CTNNA3: variants seen among roughly 807,000 people sequenced by gnomAD.
CTNNA3 encodes the protein catenin alpha 3.
A neutral mutation model predicts 95.7 loss-of-function variants in CTNNA3; 76 were observed. The observed-to-expected ratio is 0.79, with a 90% CI of 0.66 to 0.96. The LOEUF (loss-of-function observed/expected upper bound fraction) is 0.96, where lower values mean the gene tolerates loss of function less well. Ranked by LOEUF, CTNNA3 falls within the 40% of genes least tolerant of loss-of-function variation. CTNNA3 has a pLI of 0.00. For synonymous variants in CTNNA3, 431 were observed against 374.4 expected, an observed-to-expected ratio of 1.15 and a Z score of -1.74; for missense variants, 1,191 against 1,089.8, an observed-to-expected ratio of 1.09 and a Z score of -1.31.
At chr10:67,702,952 C>T (rs796269204) in intron 1 of CTNNA3, among the ~76,000 whole-genome samples, 6 of 151,954 alleles carry the variant, frequency 3.9e-5, no homozygotes, top group Admixed American at 6.6e-5. Context: ...ATATCACCAC[C>T]GACCCCACAG....
intron 1 of CTNNA3, among the ~76,000 whole-genome samples, chr10:67,760,499 A>G (rs1841456580): frequency 6.6e-6 from 1 of 152,176 alleles, no homozygotes; most frequent in African/African-American, 2.4e-5. Flanking sequence ...TTGCGCAAAC[A>G]TTATAGAGTG....
intron 7 of CTNNA3, among the ~76,000 whole-genome samples, chr10:66,810,303 T>G (rs1207080895): frequency 8.5e-5 from 13 of 152,170 alleles, no homozygotes; most frequent in Admixed American, 7.9e-4. Context: ...GCAGTAGTTC[T>G]GGCAAGCACA....
At chr10:66,123,185 A>G (rs2082659863) in intron 13 of CTNNA3, among the ~76,000 whole-genome samples, 1 of 152,198 alleles carries the variant, frequency 6.6e-6, no homozygotes, top group African/African-American at 2.4e-5. Context: ...GTTACTTCCT[A>G]GAAACAATGG....
chr10:67,402,087 A>T (rs1844944615), intron 5 of CTNNA3, among the ~76,000 whole-genome samples: 1 of 152,216 alleles, frequency 6.6e-6, no homozygotes, highest in Non-Finnish European at 1.5e-5. Flanking sequence ...TTTCCTAACC[A>T]GTCTGAATTA....
At chr10:67,673,462 G>A (rs1291716997) in intron 1 of CTNNA3, among the ~76,000 whole-genome samples, 1 of 152,000 alleles carries the variant, frequency 6.6e-6, no homozygotes, top group African/African-American at 2.4e-5. Context: ...AATGCTTCCA[G>A]TGTTTGCCCA....
chr10:67,734,882 C>A, intron 1 of CTNNA3, among the ~76,000 whole-genome samples: 1 of 151,410 alleles, frequency 6.6e-6, no homozygotes, highest in Non-Finnish European at 1.5e-5. Context: ...TTAAATAAAA[C>A]CTATGATACA....
At chr10:66,110,210 A>C (rs1195804810) in intron 13 of CTNNA3, among the ~76,000 whole-genome samples, 1 of 151,900 alleles carries the variant, frequency 6.6e-6, no homozygotes, top group Non-Finnish European at 1.5e-5. Context: ...AAAATACAAA[A>C]AATTAGACGG....
intron 5 of CTNNA3, among the ~76,000 whole-genome samples, chr10:67,387,244 G>C (rs1844212086): frequency 6.6e-6 from 1 of 152,192 alleles, no homozygotes; most frequent in Non-Finnish European, 1.5e-5. Context: ...TGCCTCACTG[G>C]GGAAGCGCAA....
intron 2 of CTNNA3, among the ~76,000 whole-genome samples, chr10:67,627,001 C>A (rs569056834): frequency 2.6e-5 from 4 of 152,278 alleles, no homozygotes; most frequent in South Asian, 2.1e-4. Flanking sequence ...CTACTGGTCA[C>A]ACAGGTTTAT....
chr10:66,472,592 A>C (rs1203854649), intron 11 of CTNNA3, among the ~76,000 whole-genome samples: 2 of 152,008 alleles, frequency 1.3e-5, no homozygotes, highest in South Asian at 4.1e-4. Flanking sequence ...ATATTTTTAA[A>C]GTTCTCTACA....
intron 5 of CTNNA3, among the ~76,000 whole-genome samples, chr10:67,470,213 T>C (rs1483562080): frequency 2.0e-5 from 3 of 152,210 alleles, no homozygotes; most frequent in African/African-American, 7.2e-5. Context: ...TGTCTTTCTG[T>C]GCCTGGTTTA....
chr10:66,142,546 G>T (rs2083673240), intron 13 of CTNNA3, among the ~76,000 whole-genome samples: 1 of 151,956 alleles, frequency 6.6e-6, no homozygotes, highest in South Asian at 2.1e-4. Context: ...AACTTTCTGA[G>T]ATTTTGATTG....
At chr10:67,513,869 C>A (rs1374811852) in intron 5 of CTNNA3, among the ~76,000 whole-genome samples, 1 of 152,132 alleles carries the variant, frequency 6.6e-6, no homozygotes, top group Non-Finnish European at 1.5e-5. Context: ...AACCAGATAC[C>A]AAGGATCAAT....
At chr10:66,649,414 T>A (rs1047443397) in intron 9 of CTNNA3, among the ~76,000 whole-genome samples, 1 of 151,892 alleles carries the variant, frequency 6.6e-6, no homozygotes. Context: ...AAAGACACAC[T>A]GATAAAGGTA....
chr10:65,988,278 T>C (rs901950900), intron 16 of CTNNA3, among the ~76,000 whole-genome samples: 1 of 152,100 alleles, frequency 6.6e-6, no homozygotes, highest in African/African-American at 2.4e-5. Context: ...TATAGAAATA[T>C]ATGTACTCTA....
At chr10:65,983,946 T>C (rs1420636274) in intron 16 of CTNNA3, among the ~76,000 whole-genome samples, 1 of 151,390 alleles carries the variant, frequency 6.6e-6, no homozygotes, top group African/African-American at 2.4e-5. Flanking sequence ...AATTGTTTCA[T>C]TCTTTCTACA....
chr10:65,980,258 C>T (rs936616363), intron 16 of CTNNA3, among the ~76,000 whole-genome samples: 3 of 151,750 alleles, frequency 2.0e-5, no homozygotes, highest in African/African-American at 7.3e-5. Flanking sequence ...ATATATAACC[C>T]TCTTAGATTA....
chr10:67,651,714 T>A (rs1168515268), intron 1 of CTNNA3, among the ~76,000 whole-genome samples: 1 of 152,220 alleles, frequency 6.6e-6, no homozygotes, highest in Non-Finnish European at 1.5e-5. Flanking sequence ...CTTTTCCCAA[T>A]GTTTTAATGA....
intron 5 of CTNNA3, among the ~76,000 whole-genome samples, chr10:67,510,513 G>A (rs1462702452): frequency 6.6e-6 from 1 of 151,492 alleles, no homozygotes; most frequent in Non-Finnish European, 1.5e-5. Context: ...TAGATGTGTG[G>A]TGTTATTTCT....
Sources: gnomAD v4.1 joint callset for allele counts (sites outside exome capture counted in the v4.1 genomes callset) on GRCh38, gnomAD v4.1.1 for gene constraint, MANE v1.5 for transcripts, NCBI Gene and HGNC (gene_info 2026-07-23, HGNC 2026-07-21) for gene names.